Variants in CFAP65 observed in about 807,000 individuals in gnomAD.
CFAP65 encodes cilia- and flagella-associated protein 65.
Under a neutral mutation model 208.0 loss-of-function variants are expected in CFAP65, and 155 were observed. The observed-to-expected ratio is 0.75, with a 90% CI of 0.65 to 0.85. The LOEUF (loss-of-function observed/expected upper bound fraction) is 0.85. Ranked by LOEUF, CFAP65 falls within the 40% of genes least tolerant of loss-of-function variation. CFAP65 has a pLI of 0.00. For missense variants in CFAP65, 2,294 were observed against 2,451.3 expected (o/e 0.94, Z 1.36); for synonymous variants, 970 against 986.3 (o/e 0.98, Z 0.31).
chr2:219,022,139 C>G, intron 17 of CFAP65, 32 bp downstream of exon 17: 2 of 1,536,850 alleles, frequency 1.3e-6, no homozygotes, highest in Non-Finnish European at 1.8e-6. Context: ...GCCTCTCCCC[C>G]AGCCCCCTCC....
In CFAP65 at chr2:219,032,651, T is replaced by A; in HGVS notation, c.543-79A>T. ...AAGAGGCAGGAAACGAGGGAAGCCC[T>A]GCAGCCAAGGGAGCTTGAGTCCCTG... On this transcript the variant is annotated intron_variant, in intron 5 of 34. Transcript: ENST00000341552. This position sits in a 1 kb window ranked among gnomAD's most constrained non-coding sequence, Gnocchi z 5.5. The A allele has an allele frequency of 7.7e-7, 1 of 1,293,018 alleles. No homozygotes were observed. The highest frequency in any genetic ancestry group is 1.1e-6 in the Non-Finnish European group (1 of 922,754). The allele number at this position is 1,293,018 out of a possible 1,614,324, so 80.1% of individuals were successfully genotyped here.
At position 219,030,200 on chromosome 2, in the gene CFAP65, G is replaced by A; in HGVS notation, c.1170C>T (p.Ala390=). ...IRLHNPSAVN[A]PFRIEISPDE... is the part of the protein sequence containing the mutation. ...CCGGGGAAATTTCAATCCTGAAGGG[G>A]GCATTTACCTGTGTGGCCAAGCAGA... The change falls in exon 10 of 35, where the codon GCC becomes GCT. Residue 390 remains alanine, a synonymous_variant. Transcript: ENST00000341552. 1 of 1,614,042 alleles carries A rather than the reference G, an allele frequency of 6.2e-7. No individual in the cohort carries two copies. Among genetic ancestry groups the A allele is most frequent in the Non-Finnish European group, 8.5e-7 (1 of 1,179,982 alleles).
rs530359048 is a variant in CFAP65 at position 219,028,499 on chromosome 2, T to C, written c.1651-98A>G. On this transcript the variant is annotated intron_variant, in intron 11 of 34. Coordinates refer to ENST00000341552, the MANE Select transcript of CFAP65 (RefSeq NM_194302.4). ...GAGGACAGAAGCTGGGCAGACAGGATAACAGAGGCAGTGGGGCAGAAGCTC... is the reference window on the plus strand; with the variant it reads ...GAGGACAGAAGCTGGGCAGACAGGACAACAGAGGCAGTGGGGCAGAAGCTC... 1.7e-3 allele frequency: 1,833 copies of C among 1,070,332 alleles called. 6 individuals carry two copies. Among genetic ancestry groups the C allele is most frequent in the Non-Finnish European group, 2.4e-3 (1,719 of 704,254 alleles). 66.3% of individuals were successfully genotyped at this position (1,070,332 alleles called of 1,614,324 possible).
intron 11 of CFAP65, 50 bp downstream of exon 11, chr2:219,029,353 C>T (rs761459856): frequency 1.9e-6 from 3 of 1,579,472 alleles, no homozygotes; most frequent in African/African-American, 1.3e-5. Context: ...CATCAGTGGG[C>T]CCCAGGGGAG....
rs564721573 is a variant in CFAP65 at position 219,010,848 on chromosome 2, C to T, written c.4106G>A (p.Arg1369Gln). Residue 1369 changes from arginine to glutamine, a missense_variant, in exon 25 of 35, where the codon CGG (arginine) becomes CAG (glutamine). By Grantham distance (43) the Arg-to-Gln change is conservative. Transcript: ENST00000341552. The stretch of plus-strand genomic sequence containing the variant: ...GATAGGTGAGAAGATCCACAAGACC[C>T]GGGCAGTGCTGCCTGGCTGGATCTC... ...KGEIQPGSTA[R>Q]VLWIFSPIEA... 2.0e-5 allele frequency: 32 copies of T among 1,612,498 alleles called. No individual in the cohort carries two copies. Among genetic ancestry groups the T allele is most frequent in the Admixed American group, 1.3e-4 (8 of 59,972 alleles).
chr2:219,022,322 G>A lies in CFAP65; in HGVS notation c.2828C>T (p.Thr943Met), dbSNP rs527910438. The stretch of plus-strand genomic sequence containing the variant: ...CTCCTCCAAAGGGCTGAAGGTCCAC[G>A]TCAGCGTCTGGGGTCACAGAAATGA... Reference protein sequence around the residue: ...LIQPNERLTLTWTFSPLEETK... With the variant: ...LIQPNERLTLMWTFSPLEETK... The change falls in exon 17 of 35, where the codon ACG (threonine) becomes ATG (methionine). Residue 943 changes from threonine to methionine, a missense_variant. Physicochemically the swap from Thr to Met is moderately conservative, Grantham distance 81. Coordinates refer to ENST00000341552, the MANE Select transcript of CFAP65 (RefSeq NM_194302.4). 2.3e-5 allele frequency: 37 copies of A among 1,599,294 alleles called. No individual in the cohort carries two copies. The highest frequency in any genetic ancestry group is 2.3e-4 in the Admixed American group (13 of 57,658).
chr2:219,023,921 C>G (rs1162098073), intron 15 of CFAP65, 94 bp downstream of exon 15: 1 of 1,477,876 alleles, frequency 6.8e-7, no homozygotes, highest in East Asian at 2.3e-5. Flanking sequence ...CCCTGGAAAT[C>G]TTAGGGGCCA....
At position 219,003,208 on chromosome 2, in the gene CFAP65, C is replaced by G. The variant is rs916020467; in HGVS notation, c.5620G>C (p.Glu1874Gln). 1.3e-6 allele frequency: 2 copies of G among 1,548,756 alleles called. No homozygotes were observed. Among genetic ancestry groups the G allele is most frequent in the African/African-American group, 2.7e-5 (2 of 73,012 alleles). Residue 1874 changes from glutamate (E) to glutamine (Q), a missense_variant, in exon 34 of 35, where the codon GAG (glutamate) becomes CAG (glutamine). Transcript: ENST00000341552. The surrounding 1 kb of genome is among the most constrained non-coding windows in gnomAD (Gnocchi z 4.4). ...AGTACCACCTCCCCGCGGCTCGCCT[C>G]CACCAGGATGTTCTGGATCATGTTC... ...LENMIQNILV[E>Q]ASRGEVVLTS...
In CFAP65 at chr2:219,030,760, G is replaced by A; in HGVS notation, c.1090C>T (p.Leu364=). ...EDQDAEGFQK[L]LYFGSVAVGC... Reference sequence around the variant, plus strand: ...ACAGCAACAGAGCCAAAGTACAACAGCTTCTGGAAGCCCTCGGCATCCTGG... The same window carrying A: ...ACAGCAACAGAGCCAAAGTACAACAACTTCTGGAAGCCCTCGGCATCCTGG... Residue 364 remains leucine (L), a synonymous_variant, in exon 9 of 35, where the codon CTG becomes TTG. Transcript: ENST00000341552. The A allele has an allele frequency of 6.2e-7, 1 of 1,614,194 alleles. No homozygotes were observed.
At chr2:219,027,452 G>A (rs1160119728) in intron 13 of CFAP65, 198 bp downstream of exon 13, 1 of 1,535,530 alleles carries the variant, frequency 6.5e-7, no homozygotes, top group South Asian at 1.2e-5. Flanking sequence ...ACATAAGAAT[G>A]AGAAAATCAG....
At chr2:219,040,012 T>TTTTTTTTATTTA (rs1223046438) in intron 2 of CFAP65, among the ~76,000 whole-genome samples, 38 of 149,082 alleles carry the variant, frequency 2.5e-4, no homozygotes, top group African/African-American at 9.4e-4. Context: ...CTTAGAGGGA[T>TTTTTTTTATTTA]TTTATTTATT....
rs768463806 is a variant in CFAP65, at chr2:219,009,330, C to G, written c.4566+17G>C. 11 of 1,595,278 alleles carry G rather than the reference C, an allele frequency of 6.9e-6. No individual in the cohort carries two copies. The highest frequency in any genetic ancestry group is 9.4e-6 in the Non-Finnish European group (11 of 1,164,216). On this transcript the variant is annotated intron_variant, in intron 28 of 34. Transcript: ENST00000341552. ...GCCATGCCTCCATCCCACTTTACCC[C>G]TGGGGCTGGTTCCTACCTTGCATAC...
In CFAP65 at chr2:219,030,114, C is replaced by T. The variant is rs749020306; in HGVS notation, c.1256G>A (p.Gly419Glu). ...GAACACCGACACACATTTCTTCTCT[C>T]CCGGAAGCACGATGCCATGGGCCGT... is the stretch of plus-strand genomic sequence containing the variant. ...CPTAHGIVLP[G>E]EKKCVSVFFH... Residue 419 changes from glycine to glutamate, a missense_variant, in exon 10 of 35, where the codon GGA becomes GAA. Coordinates refer to ENST00000341552, the MANE Select transcript of CFAP65 (RefSeq NM_194302.4). 1.9e-6 allele frequency: 3 copies of T among 1,614,068 alleles called. No homozygotes were observed. The highest frequency in any genetic ancestry group is 2.2e-5 in the East Asian group (1 of 44,880).
At chr2:219,025,921 G>T in intron 14 of CFAP65, 101 bp downstream of exon 14, 1 of 1,433,394 alleles carries the variant, frequency 7.0e-7, no homozygotes, top group South Asian at 1.2e-5. Flanking sequence ...GTGCAAAGAT[G>T]TGTTTCTGAG....
Position 219,030,132 on chromosome 2 carries a change from TGGGCCGTG to T in CFAP65, c.1230_1237del (p.Thr411TrpfsTer42). 1 of 1,614,130 alleles carries T rather than the reference TGGGCCGTG, an allele frequency of 6.2e-7. No individual in the cohort carries two copies. Among genetic ancestry groups the T allele is most frequent in the Non-Finnish European group, 8.5e-7 (1 of 1,180,014 alleles). ...CTTCTCTCCCGGAAGCACGATGCCA[TGGGCCGTG>T]GGGCATGAGAAGGCCTGGTCTTCGG... On this transcript the variant is annotated frameshift_variant, in exon 10 of 35. Coordinates refer to ENST00000341552, the MANE Select transcript of CFAP65 (RefSeq NM_194302.4). LOFTEE classifies it high-confidence loss of function.
chr2:219,006,372 G>A (rs1345919939), intron 30 of CFAP65, 93 bp downstream of exon 30: 46 of 1,535,190 alleles, frequency 3.0e-5, no homozygotes, highest in Non-Finnish European at 3.9e-5. Flanking sequence ...TCCTTTCTGG[G>A]AGTCTGGTCC....
At chr2:219,023,868 A>C in intron 15 of CFAP65, 147 bp downstream of exon 15, 2 of 996,148 alleles carry the variant, frequency 2.0e-6, no homozygotes, top group Non-Finnish European at 1.5e-6. Flanking sequence ...GTGGTCAAGC[A>C]GGTTCTTTCC....
rs2106291187 is a variant in CFAP65, at chr2:219,041,515, A to G, written c.-76T>C. The G allele has an allele frequency of 6.4e-7, 1 of 1,550,544 alleles. No individual in the cohort carries two copies. The highest frequency in any genetic ancestry group is 1.2e-5 in the South Asian group (1 of 84,052). On this transcript the variant is annotated 5_prime_UTR_variant, in exon 1 of 35. Coordinates refer to ENST00000341552, the MANE Select transcript of CFAP65 (RefSeq NM_194302.4). ...CGCCTCCATATTGCCGTCTCCATAGATACAGGACGCGCAGGAAACGGCGTC... is the reference window on the plus strand; with the variant it reads ...CGCCTCCATATTGCCGTCTCCATAGGTACAGGACGCGCAGGAAACGGCGTC...
At chr2:219,018,966 C>T (rs771998349) in intron 21 of CFAP65, 85 bp downstream of exon 21, 36 of 1,566,376 alleles carry the variant, frequency 2.3e-5, no homozygotes, top group Non-Finnish European at 2.9e-5. Context: ...CAGGCCACCA[C>T]GGGCAAGAGA....
Sources: gnomAD v4.1 joint callset for allele counts (sites outside exome capture counted in the v4.1 genomes callset) on GRCh38, gnomAD v4.1.1 for gene constraint, Gnocchi (gnomAD v3.1) non-coding constraint, MANE v1.5 for transcripts, NCBI Gene and HGNC (gene_info 2026-07-23, HGNC 2026-07-21) for gene names.